Variants in PHACTR2 observed in about 807,000 individuals in gnomAD.
PHACTR2 encodes the protein phosphatase and actin regulator 2, also known as chromosome 6 open reading frame 56.
A neutral mutation model predicts 76.0 loss-of-function variants in PHACTR2; 30 were observed. The observed-to-expected ratio is 0.39, with a 90% CI of 0.30 to 0.54. The LOEUF (loss-of-function observed/expected upper bound fraction) is 0.54, where lower values mean the gene tolerates loss of function less well. PHACTR2 is among the 20% of genes least tolerant of loss of function. The probability of loss-of-function intolerance (pLI) is 0.61; values close to 1 mark genes in which losing one functional copy is unlikely to be tolerated. For missense variants in PHACTR2, 696 were observed against 781.1 expected, an observed-to-expected ratio of 0.89 and a Z score of 1.30; for synonymous variants, 292 against 292.5, an observed-to-expected ratio of 1.00 and a Z score of 0.02.
intron 11 of PHACTR2, among the ~76,000 whole-genome samples, chr6:143,797,607 G>A (rs1048018868): frequency 6.6e-6 from 1 of 152,118 alleles, no homozygotes; most frequent in African/African-American, 2.4e-5. Context: ...TAAGGAAGGG[G>A]TCCAGTTCCA....
rs1776533793 is a variant in PHACTR2, at chr6:143,826,559, T to G, written c.*2870T>G. 6.7e-6 allele frequency: 1 copy of G among 148,252 alleles called. No individual in the cohort carries two copies. The highest frequency in any genetic ancestry group is 1.5e-5 in the Non-Finnish European group (1 of 67,936). The allele number at this position is 148,252 out of a possible 1,614,324, so 9.2% of individuals were successfully genotyped here. A position where few individuals can be genotyped will look rare whatever the true frequency, so the allele number is the denominator to read the frequency against. On this transcript the variant is annotated 3_prime_UTR_variant, in exon 13 of 13. Transcript: ENST00000440869. ...CCCAGGCAGGAAAGAACTAGACAGA[T>G]GTAGAAACCAAAGTGACCATTTTAG...
chr6:143,607,447 G>C (rs1775894487), upstream of PHACTR2, among the ~76,000 whole-genome samples: 1 of 152,300 alleles, frequency 6.6e-6, no homozygotes, highest in East Asian at 1.9e-4. Context: ...GTGAAGTAGG[G>C]CCTTCCTGTG....
At position 143,583,012 on chromosome 6, in the gene PHACTR2, C is replaced by G. The variant is rs1397640115; in HGVS notation, c.217+45805C>G. Among the ~76,000 whole-genome samples the G allele has an allele frequency of 1.3e-5, 2 of 152,180 alleles. No individual in the cohort carries two copies. The highest frequency in any genetic ancestry group is 4.8e-5 in the African/African-American group (2 of 41,444). ...CTGAAGCACTTAAAACATGCAATCA[C>G]CATTCACATACTTTAATTAGAAACA... On this transcript the variant is annotated intron_variant, in intron 1 of 11. Coordinates refer to the PHACTR2 transcript ENST00000367584. This position sits in a 1 kb window ranked among gnomAD's most constrained non-coding sequence, Gnocchi z 4.0.
Position 143,624,246 on chromosome 6 carries a change from A to G in PHACTR2, c.13+15924A>G, listed in dbSNP as rs1776214320. Among the ~76,000 whole-genome samples the G allele has an allele frequency of 1.3e-5, 2 of 152,122 alleles. No homozygotes were observed. Among genetic ancestry groups the G allele is most frequent in the South Asian group, 4.2e-4 (2 of 4,812 alleles). The stretch of plus-strand genomic sequence containing the variant: ...CTCAGCTTCCCGAGTAGCTGGGATT[A>G]CAGGTGCCTGCCACCACACCTGACT... On this transcript the variant is annotated intron_variant, in intron 1 of 11. Transcript: ENST00000305766. This position sits in a 1 kb window ranked among gnomAD's most constrained non-coding sequence, Gnocchi z 4.6.
At position 143,656,690 on chromosome 6, in the gene PHACTR2, C is replaced by T. The variant is rs949168058; in HGVS notation, c.13+48368C>T. Among the ~76,000 whole-genome samples, 2 of 152,036 alleles carry T rather than the reference C, an allele frequency of 1.3e-5. No individual in the cohort carries two copies. Among genetic ancestry groups the T allele is most frequent in the Non-Finnish European group, 2.9e-5 (2 of 68,008 alleles). On this transcript the variant is annotated intron_variant, in intron 1 of 11. Transcript: ENST00000305766. The surrounding 1 kb of genome is among the most constrained non-coding windows in gnomAD (Gnocchi z 5.3). ...TGAATAGATGTGATCATAGAAGAAG[C>T]AATATCAAGATTTTTCACCAGCCTC...
rs888672982 is a variant in PHACTR2 at position 143,599,214 on chromosome 6, C to G, written c.217+62007C>G. Among the ~76,000 whole-genome samples the G allele has an allele frequency of 1.7e-4, 26 of 152,078 alleles. No homozygotes were observed. The highest frequency in any genetic ancestry group is 6.3e-4 in the African/African-American group (26 of 41,408). ...AATCATTCTCTCAATTAATCTAAAG[C>G]CTATGTGTTAATACTCTTTAAAAAA... On this transcript the variant is annotated intron_variant, in intron 1 of 11. Coordinates refer to the PHACTR2 transcript ENST00000367584. This position sits in a 1 kb window ranked among gnomAD's most constrained non-coding sequence, Gnocchi z 4.6.
intron 2 of PHACTR2, among the ~76,000 whole-genome samples, chr6:143,728,921 T>G (rs1228473338): frequency 6.6e-6 from 1 of 152,080 alleles, no homozygotes; most frequent in Non-Finnish European, 1.5e-5. Context: ...AGAACATCAG[T>G]CTAGGCAAAG....
chr6:143,678,250 C>T lies in PHACTR2; in HGVS notation c.46+41C>T. ...ACGCGATGCGCTCCCGCCGCGCGGGCGCAGGGCTGGCGGCGGGGCCCCGGG... is the reference window on the plus strand; with the variant it reads ...ACGCGATGCGCTCCCGCCGCGCGGGTGCAGGGCTGGCGGCGGGGCCCCGGG... On this transcript the variant is annotated intron_variant, in intron 1 of 12. Transcript: ENST00000440869. The surrounding 1 kb of genome is among the most constrained non-coding windows in gnomAD (Gnocchi z 6.2). 1 of 1,425,536 alleles carries T rather than the reference C, an allele frequency of 7.0e-7. No homozygotes were observed. The highest frequency in any genetic ancestry group is 9.1e-7 in the Non-Finnish European group (1 of 1,093,314). 88.3% of individuals were successfully genotyped at this position (1,425,536 alleles called of 1,614,324 possible). A position where few individuals can be genotyped will look rare whatever the true frequency, so the allele number is the denominator to read the frequency against.
At chr6:143,612,759 A>C (rs1775998355) in intron 1 of PHACTR2, among the ~76,000 whole-genome samples, 1 of 152,192 alleles carries the variant, frequency 6.6e-6, no homozygotes, top group Non-Finnish European at 1.5e-5. Context: ...AAACTTGATA[A>C]AAAATTAGAA....
At chr6:143,544,475 T>C (rs1342030958) in intron 1 of PHACTR2, among the ~76,000 whole-genome samples, 1 of 148,618 alleles carries the variant, frequency 6.7e-6, no homozygotes, top group Non-Finnish European at 1.5e-5. Context: ...CTATGCTAGG[T>C]TTAAGTCACC....
At position 143,751,791 on chromosome 6, in the gene PHACTR2, TACACACAC is replaced by T. The variant is rs71024875; in HGVS notation, c.296-1936_296-1929del. On this transcript the variant is annotated intron_variant, in intron 3 of 12. Transcript: ENST00000440869. This position sits in a 1 kb window ranked among gnomAD's most constrained non-coding sequence, Gnocchi z 5.7. ...TCCTTTGCTCTGCTTGTATTTTACT[TACACACAC>T]ACACACACACACACACACACACACA... Among the ~76,000 whole-genome samples the T allele has an allele frequency of 2.8e-5, 4 of 140,364 alleles. No homozygotes were observed. Among genetic ancestry groups the T allele is most frequent in the East Asian group, 2.1e-4 (1 of 4,654 alleles). 92.1% of individuals were successfully genotyped at this position (140,364 alleles called of 152,430 possible). A position where few individuals can be genotyped will look rare whatever the true frequency, so the allele number is the denominator to read the frequency against.
At chr6:143,655,520 GA>G (rs1776834463) in intron 1 of PHACTR2, among the ~76,000 whole-genome samples, 1 of 152,164 alleles carries the variant, frequency 6.6e-6, no homozygotes, top group South Asian at 2.1e-4. Flanking sequence ...AAATATAGAT[GA>G]TTAGAGAATA....
chr6:143,582,366 C>A (rs1775586155), intron 1 of PHACTR2, among the ~76,000 whole-genome samples: 1 of 152,002 alleles, frequency 6.6e-6, no homozygotes, highest in Non-Finnish European at 1.5e-5. Context: ...AAATTAGATT[C>A]TAAATTACCA....
intron 2 of PHACTR2, among the ~76,000 whole-genome samples, chr6:143,736,973 C>T (rs1286339444): frequency 6.6e-6 from 1 of 151,778 alleles, no homozygotes; most frequent in Admixed American, 6.6e-5. Context: ...GGGGAGTTTG[C>T]CTGTGTTCAC....
At chr6:143,667,955 T>G (rs1014291998) in intron 1 of PHACTR2, among the ~76,000 whole-genome samples, 4 of 152,234 alleles carry the variant, frequency 2.6e-5, no homozygotes, top group Non-Finnish European at 5.9e-5. Flanking sequence ...CCTTGTCTTG[T>G]GCTGGTTTTC....
intron 2 of PHACTR2, among the ~76,000 whole-genome samples, chr6:143,729,194 G>C (rs1027550862): frequency 6.6e-6 from 1 of 151,916 alleles, no homozygotes; most frequent in African/African-American, 2.4e-5. Flanking sequence ...TGGGTTATTT[G>C]TTTTCTTACT....
chr6:143,786,462 C>T (rs1278316121), intron 10 of PHACTR2, among the ~76,000 whole-genome samples: 2 of 152,280 alleles, frequency 1.3e-5, no homozygotes, highest in Admixed American at 6.5e-5. Context: ...CTGAGCCTTC[C>T]AAACTGTTCC....
rs1438273482 is a variant in PHACTR2, at chr6:143,828,104, C to G, written c.*4415C>G. 6.6e-6 allele frequency: 1 copy of G among 151,960 alleles called. No individual in the cohort carries two copies. Among genetic ancestry groups the G allele is most frequent in the African/African-American group, 2.4e-5 (1 of 41,342 alleles). The allele number at this position is 151,960 out of a possible 1,614,324, so 9.4% of individuals were successfully genotyped here. ...GGTGGAGGTTGCAGTGGGCCCAGAT[C>G]GTGCCACTCCACTCCAGCCTGGGAG... On this transcript the variant is annotated 3_prime_UTR_variant, in exon 13 of 13. Transcript: ENST00000440869. This position sits in a 1 kb window ranked among gnomAD's most constrained non-coding sequence, Gnocchi z 4.7.
Position 143,554,894 on chromosome 6 carries a change from C to T in PHACTR2, c.217+17687C>T, listed in dbSNP as rs1775150242. On this transcript the variant is annotated intron_variant, in intron 1 of 11. Transcript: ENST00000367584. This position sits in a 1 kb window ranked among gnomAD's most constrained non-coding sequence, Gnocchi z 5.9. ...TATCCTTTGCCCTTTGTTCCTGTTG[C>T]ATTATTTTCTTAACTCTTGGTGTGT... 1 of 152,098 alleles carries T rather than the reference C, an allele frequency of 6.6e-6. No homozygotes were observed. The highest frequency in any genetic ancestry group is 2.4e-5 in the African/African-American group (1 of 41,406). 9.4% of individuals were successfully genotyped at this position (152,098 alleles called of 1,614,324 possible).
Sources: gnomAD v4.1 joint callset for allele counts (sites outside exome capture counted in the v4.1 genomes callset) on GRCh38, gnomAD v4.1.1 for gene constraint, Gnocchi (gnomAD v3.1) non-coding constraint, MANE v1.5 for transcripts, NCBI Gene and HGNC (gene_info 2026-07-23, HGNC 2026-07-21) for gene names.